SEMA6A: variants seen among roughly 807,000 people sequenced by gnomAD.
SEMA6A encodes semaphorin-6A.
In SEMA6A, 25 loss-of-function variants were observed where a neutral mutation model predicts 96.8. The observed-to-expected ratio is 0.26, with a 90% CI of 0.19 to 0.36. SEMA6A has a LOEUF of 0.36. SEMA6A is among the 10% of genes least tolerant of loss of function. The pLI is 1.00. For synonymous variants in SEMA6A, 612 were observed against 518.0 expected (o/e 1.18, Z -2.46); for missense variants, 1,363 against 1,323.1 (o/e 1.03, Z -0.47).
intron 1 of SEMA6A, among the ~76,000 whole-genome samples, chr5:116,560,495 A>G (rs1760779266): frequency 6.6e-6 from 1 of 151,336 alleles, no homozygotes; most frequent in Admixed American, 6.6e-5. Flanking sequence ...CCAGAGTACA[A>G]TGACTTTTGT....
At chr5:116,496,025 C>A (rs1030482142) in intron 5 of SEMA6A, 1 of 470,348 alleles carries the variant, frequency 2.1e-6, no homozygotes, top group Non-Finnish European at 3.8e-6. Flanking sequence ...ATCCTGTGTG[C>A]GCCTAAGTAG....
intron 1 of SEMA6A, among the ~76,000 whole-genome samples, chr5:116,544,792 A>G (rs377022355): frequency 1.8e-4 from 28 of 152,320 alleles, no homozygotes; most frequent in African/African-American, 4.8e-4. Flanking sequence ...CAGGGGGAAA[A>G]CAGTTTATTT....
chr5:116,558,779 G>C (rs1033394437), intron 1 of SEMA6A, among the ~76,000 whole-genome samples: 1 of 151,958 alleles, frequency 6.6e-6, no homozygotes, highest in African/African-American at 2.4e-5. Context: ...CTTTTAAATA[G>C]TATAAAAACA....
At position 116,467,321 on chromosome 5, in the gene SEMA6A, C is replaced by T. The variant is rs554565073; in HGVS notation, c.1894+262G>A. On this transcript the variant is annotated intron_variant, in intron 18 of 18. Coordinates refer to ENST00000343348, the MANE Select transcript of SEMA6A (RefSeq NM_020796.5). ...GGATGTCAGAAGCCAGCATCTGCTTCGGGCCAAGCCACACCTTTTTCGGGT... is the reference window on the plus strand; with the variant it reads ...GGATGTCAGAAGCCAGCATCTGCTTTGGGCCAAGCCACACCTTTTTCGGGT... Among the ~76,000 whole-genome samples, 12 of 152,244 alleles carry T rather than the reference C, an allele frequency of 7.9e-5. No individual in the cohort carries two copies. The East Asian group carries it at 2.3e-3, about 29-fold the overall frequency.
intron 1 of SEMA6A, among the ~76,000 whole-genome samples, chr5:116,517,883 C>G (rs6594970): frequency 0.33 from 49,590 of 152,006 alleles, 10,176 homozygotes; most frequent in African/African-American, 0.58. Flanking sequence ...TTTTTGTGCA[C>G]TTGGTGATGG....
intron 1 of SEMA6A, among the ~76,000 whole-genome samples, chr5:116,508,583 G>GT (rs1338036978): frequency 1.3e-5 from 2 of 152,124 alleles, no homozygotes; most frequent in Non-Finnish European, 2.9e-5. Context: ...TCACAAACTC[G>GT]TAGTACCTGG....
At chr5:116,551,186 A>G (rs1760389612) in intron 1 of SEMA6A, among the ~76,000 whole-genome samples, 1 of 152,090 alleles carries the variant, frequency 6.6e-6, no homozygotes, top group African/African-American at 2.4e-5. Context: ...TGAAGGGGAA[A>G]AGCAGAGGAA....
intron 3 of SEMA6A, among the ~76,000 whole-genome samples, chr5:116,501,088 G>A (rs1431590476): frequency 1.3e-5 from 2 of 151,716 alleles, no homozygotes; most frequent in Non-Finnish European, 2.9e-5. Context: ...AGACCACAGG[G>A]GACACTACAA....
Position 116,477,796 on chromosome 5 carries a change from C to T in SEMA6A, c.1649+50G>A, listed in dbSNP as rs763645487. 7.0e-6 allele frequency: 11 copies of T among 1,569,632 alleles called. No homozygotes were observed. In the Admixed American group the frequency reaches 1.3e-4, roughly 19 times the overall value. ...CAGAGCAAATCTTACATCTAGAATA[C>T]ACCTTGGCTGGAAGCCACTTCACCC... On this transcript the variant is annotated intron_variant, in intron 15 of 18. Transcript: ENST00000343348.
At chr5:116,563,618 C>G (rs1221703740) in intron 1 of SEMA6A, among the ~76,000 whole-genome samples, 1 of 152,200 alleles carries the variant, frequency 6.6e-6, no homozygotes, top group South Asian at 2.1e-4. Context: ...GTACTTTTTA[C>G]TTTTCTTAAG....
In SEMA6A at chr5:116,479,976, A is replaced by G. The variant is rs1756668400; in HGVS notation, c.1250+146T>C. The G allele has an allele frequency of 3.3e-6, 3 of 908,566 alleles. No homozygotes were observed. In the South Asian group the frequency reaches 5.0e-5, roughly 15 times the overall value. The allele number at this position is 908,566 out of a possible 1,614,324, so 56.3% of individuals were successfully genotyped here. ...GTGTATAGGGGTTTAGTGGTATCCA[A>G]CCAATCGGCCACCATTTCACAGCTG... On this transcript the variant is annotated intron_variant, in intron 12 of 18. Transcript: ENST00000343348.
intron 1 of SEMA6A, among the ~76,000 whole-genome samples, chr5:116,566,263 T>G (rs961845050): frequency 3.3e-5 from 5 of 152,190 alleles, no homozygotes; most frequent in East Asian, 3.8e-4. Context: ...CTTTAGAGCT[T>G]CTTCTGCTAA....
At chr5:116,496,740 A>C (rs1263140905) in intron 4 of SEMA6A, among the ~76,000 whole-genome samples, 1 of 152,356 alleles carries the variant, frequency 6.6e-6, no homozygotes, top group East Asian at 1.9e-4. Flanking sequence ...CTTAAACATA[A>C]AGAGGACATT....
At chr5:116,493,046 G>A (rs966864439) in intron 6 of SEMA6A, among the ~76,000 whole-genome samples, 4 of 152,214 alleles carry the variant, frequency 2.6e-5, no homozygotes, top group Non-Finnish European at 5.9e-5. Flanking sequence ...CTGAGCATGA[G>A]CAACATCCCA....
intron 18 of SEMA6A, among the ~76,000 whole-genome samples, chr5:116,462,978 TATC>T (rs1755510549): frequency 6.6e-6 from 1 of 152,152 alleles, no homozygotes; most frequent in African/African-American, 2.4e-5. Flanking sequence ...GGAAACTTGA[TATC>T]ATTATCACAA....
chr5:116,493,800 A>G (rs1250566749), intron 6 of SEMA6A, among the ~76,000 whole-genome samples: 2 of 152,188 alleles, frequency 1.3e-5, no homozygotes, highest in Non-Finnish European at 2.9e-5. Context: ...ATGAAACCCA[A>G]ATCTATATTT....
intron 17 of SEMA6A, among the ~76,000 whole-genome samples, chr5:116,470,519 CAG>C (rs1756059326): frequency 6.6e-6 from 1 of 152,040 alleles, no homozygotes; most frequent in South Asian, 2.1e-4. Context: ...ATTGTAATTC[CAG>C]AGGTTAGATA....
intron 1 of SEMA6A, among the ~76,000 whole-genome samples, chr5:116,547,200 A>G (rs1319296891): frequency 6.6e-6 from 1 of 152,206 alleles, no homozygotes; most frequent in African/African-American, 2.4e-5. Flanking sequence ...AGTAAATGCT[A>G]GGTAGTACTG....
rs1160427621 is a variant in SEMA6A, at chr5:116,444,619, A to T, written c.*1994T>A. On this transcript the variant is annotated 3_prime_UTR_variant, in exon 19 of 19. Coordinates refer to ENST00000343348, the MANE Select transcript of SEMA6A (RefSeq NM_020796.5). ...TTGAGCAAATGAAAACCAAGAGGAG[A>T]AAAACACACACCACCTCCCATCCCC... 3 of 152,778 alleles carry T rather than the reference A, an allele frequency of 2.0e-5. No homozygotes were observed. The East Asian group carries it at 5.8e-4, about 29-fold the overall frequency. The allele number at this position is 152,778 out of a possible 1,614,324, so 9.5% of individuals were successfully genotyped here.
Sources: allele counts gnomAD v4.1 joint callset (sites outside exome capture counted in the v4.1 genomes callset), GRCh38; gene constraint gnomAD v4.1.1; transcripts MANE v1.5; gene names NCBI Gene and HGNC (gene_info 2026-07-23, HGNC 2026-07-21).